The following GAS2 variants were observed in gnomAD, a reference collection of about 807,000 sequenced individuals.
GAS2 encodes growth arrest-specific protein 2.
Under a neutral mutation model 37.5 loss-of-function variants are expected in GAS2, and 20 were observed. That is an observed-to-expected ratio of 0.53 (90% confidence interval 0.37 to 0.77). GAS2 has a LOEUF of 0.77. Ranked by LOEUF, GAS2 falls within the 30% of genes least tolerant of loss-of-function variation. The pLI is 0.00. For synonymous variants in GAS2, 144 were observed against 132.2 expected (o/e 1.09, Z -0.61); for missense variants, 336 against 373.4 (o/e 0.90, Z 0.82).
intron 7 of GAS2, among the ~76,000 whole-genome samples, chr11:22,790,962 A>G (rs936028134): frequency 3.3e-5 from 5 of 152,186 alleles, no homozygotes; most frequent in Non-Finnish European, 7.3e-5. Context: ...TGGACATCAG[A>G]GGAGAAATAA....
At chr11:22,758,271 A>G (rs1302737562) in intron 7 of GAS2, among the ~76,000 whole-genome samples, 1 of 152,192 alleles carries the variant, frequency 6.6e-6, no homozygotes, top group African/African-American at 2.4e-5. Flanking sequence ...ACTGCCTCAT[A>G]GTGTCTTCAT....
intron 3 of GAS2, among the ~76,000 whole-genome samples, chr11:22,705,530 T>G (rs1851071508): frequency 6.6e-6 from 1 of 152,208 alleles, no homozygotes; most frequent in Non-Finnish European, 1.5e-5. Flanking sequence ...CCCAAGAACT[T>G]GCAGTCTAGT....
At chr11:22,641,222 G>C (rs1168024206) in intron 1 of GAS2, among the ~76,000 whole-genome samples, 2 of 131,886 alleles carry the variant, frequency 1.5e-5, no homozygotes, top group Admixed American at 7.6e-5. Flanking sequence ...ATATATATGT[G>C]TGTGTGTATA....
At chr11:22,633,477 G>A (rs1858773363) in intron 1 of GAS2, among the ~76,000 whole-genome samples, 1 of 152,146 alleles carries the variant, frequency 6.6e-6, no homozygotes. Flanking sequence ...TTCCCCAGTG[G>A]TGTACATTAA....
At chr11:22,757,269 T>C (rs11026769) in intron 7 of GAS2, among the ~76,000 whole-genome samples, 1 of 152,252 alleles carries the variant, frequency 6.6e-6, no homozygotes, top group African/African-American at 2.4e-5. Context: ...AGGATTTTAA[T>C]GTCCACATTT....
At chr11:22,710,153 A>G (rs1297741055) in intron 3 of GAS2, among the ~76,000 whole-genome samples, 3 of 152,084 alleles carry the variant, frequency 2.0e-5, no homozygotes, top group Non-Finnish European at 2.9e-5. Flanking sequence ...CCTAAAACTT[A>G]AAGTATAATA....
At chr11:22,742,082 A>G (rs1590077879) in intron 5 of GAS2, among the ~76,000 whole-genome samples, 1 of 152,078 alleles carries the variant, frequency 6.6e-6, no homozygotes, top group East Asian at 1.9e-4. Context: ...ACCTCATCAT[A>G]AAGTCATTAA....
Position 22,639,927 on chromosome 11 carries a change from A to T in GAS2, c.-21+14114A>T, listed in dbSNP as rs75134744. On this transcript the variant is annotated intron_variant, in intron 1 of 5. Coordinates refer to the GAS2 transcript ENST00000528582. ...GTCTGGGAAGTGAGTGTCATTACTG[A>T]GATGGAAAGAGGTCTGATAATCCAT... Among the ~76,000 whole-genome samples the T allele has an allele frequency of 9.9e-5, 15 of 152,242 alleles. No homozygotes were observed. In the East Asian group the frequency reaches 2.9e-3, roughly 29 times the overall value.
At chr11:22,809,989 G>T (rs968584184) in intron 7 of GAS2, among the ~76,000 whole-genome samples, 1 of 152,108 alleles carries the variant, frequency 6.6e-6, no homozygotes, top group Non-Finnish European at 1.5e-5. Flanking sequence ...ACTTCCAGCT[G>T]GAAGATGTGT....
intron 3 of GAS2, among the ~76,000 whole-genome samples, chr11:22,712,602 G>A (rs1438607747): frequency 6.6e-6 from 1 of 152,120 alleles, no homozygotes; most frequent in Non-Finnish European, 1.5e-5. Context: ...TAAATGAGAA[G>A]AAACTAGAAA....
At chr11:22,718,279 T>C (rs1362620644) in intron 3 of GAS2, among the ~76,000 whole-genome samples, 1 of 152,006 alleles carries the variant, frequency 6.6e-6, no homozygotes, top group African/African-American at 2.4e-5. Flanking sequence ...ATATGGTGTG[T>C]GTGTGTATGT....
chr11:22,790,142 G>GA (rs1358940969), intron 7 of GAS2, among the ~76,000 whole-genome samples: 2 of 144,780 alleles, frequency 1.4e-5, no homozygotes, highest in African/African-American at 2.9e-5. Context: ...GTGCATCCCG[G>GA]AAAAAAGAGA....
chr11:22,701,939 T>A (rs1850863411), intron 3 of GAS2, among the ~76,000 whole-genome samples: 1 of 152,180 alleles, frequency 6.6e-6, no homozygotes, highest in Non-Finnish European at 1.5e-5. Flanking sequence ...AAATAGAAGT[T>A]AAAAGATATA....
At chr11:22,717,326 A>G (rs753673194) in intron 3 of GAS2, among the ~76,000 whole-genome samples, 3 of 152,114 alleles carry the variant, frequency 2.0e-5, no homozygotes, top group African/African-American at 4.8e-5. Context: ...AAAATATATA[A>G]CCCATAAATA....
intron 7 of GAS2, among the ~76,000 whole-genome samples, chr11:22,757,197 A>AAT (rs1854094328): frequency 6.6e-6 from 1 of 152,076 alleles, no homozygotes; most frequent in South Asian, 2.1e-4. Context: ...TTCAGTCAAA[A>AAT]ATATATATTA....
intron 3 of GAS2, among the ~76,000 whole-genome samples, chr11:22,711,100 C>A (rs1371065976): frequency 6.6e-6 from 1 of 152,158 alleles, no homozygotes; most frequent in African/African-American, 2.4e-5. Context: ...TTGAAACAAG[C>A]AGCTTGCTTC....
At chr11:22,792,730 T>C (rs1056274612) in intron 7 of GAS2, among the ~76,000 whole-genome samples, 16 of 152,190 alleles carry the variant, frequency 1.1e-4, no homozygotes, top group African/African-American at 3.9e-4. Context: ...CATTTATGAG[T>C]CAGCATGTGA....
At chr11:22,807,082 T>C (rs1856936402) in intron 7 of GAS2, among the ~76,000 whole-genome samples, 1 of 152,168 alleles carries the variant, frequency 6.6e-6, no homozygotes, top group Non-Finnish European at 1.5e-5. Flanking sequence ...TGTTTTCATT[T>C]TTTTCAGTGT....
At chr11:22,702,846 C>G (rs932101430) in intron 3 of GAS2, among the ~76,000 whole-genome samples, 1 of 151,952 alleles carries the variant, frequency 6.6e-6, no homozygotes, top group African/African-American at 2.4e-5. Flanking sequence ...TAGGGAAAGA[C>G]CAGGTGGCAG....
Sources: gnomAD v4.1 joint callset for allele counts (sites outside exome capture counted in the v4.1 genomes callset) on GRCh38, gnomAD v4.1.1 for gene constraint, MANE v1.5 for transcripts, NCBI Gene and HGNC (gene_info 2026-07-23, HGNC 2026-07-21) for gene names.